Variants in ENOSF1 observed in about 807,000 individuals in gnomAD.
ENOSF1 encodes mitochondrial enolase superfamily member 1.
In ENOSF1, 73 loss-of-function variants were observed where a neutral mutation model predicts 68.2. The observed-to-expected ratio is 1.07, with a 90% CI of 0.89 to 1.30. ENOSF1 has a LOEUF of 1.30. ENOSF1 is among the 50% of genes most tolerant of loss of function. The pLI is 0.00. For synonymous variants in ENOSF1, 223 were observed against 210.4 expected (o/e 1.06, Z -0.52); for missense variants, 589 against 554.5 (o/e 1.06, Z -0.62).
chr18:683,214 A>T (rs1296130337), intron 11 of ENOSF1, 32 bp downstream of exon 11: 1 of 1,611,944 alleles, frequency 6.2e-7, no homozygotes, highest in Admixed American at 1.7e-5. Flanking sequence ...CAGAAAAATA[A>T]GCTGCCACAG....
chr18:692,758 TA>T (rs2077326631), intron 5 of ENOSF1: 1 of 997,636 alleles, frequency 1.0e-6, no homozygotes. Context: ...TCCATCCCCG[TA>T]AAACGCCAAC....
chr18:667,059 AGATGGTGATGGTGATGGAGATGGT>A (rs2074849822), downstream of ENOSF1, among the ~76,000 whole-genome samples: 14 of 18,556 alleles, frequency 7.5e-4, 2 homozygotes, highest in African/African-American at 5.5e-3. Context: ...ATGGAGATGG[AGATGGTGATGGTGATGGAGATGGT>A]GATGGTGATG....
intron 11 of ENOSF1, among the ~76,000 whole-genome samples, chr18:679,761 T>C (rs916676320): frequency 6.6e-6 from 1 of 152,108 alleles, no homozygotes; most frequent in Non-Finnish European, 1.5e-5. Context: ...ACCTGGACTC[T>C]GGGCGCTCCC....
At chr18:666,799 G>T (rs540739261), downstream of ENOSF1, among the ~76,000 whole-genome samples, 1 of 152,378 alleles carries the variant, frequency 6.6e-6, no homozygotes, top group South Asian at 2.1e-4. Flanking sequence ...AAAGTGGAAT[G>T]CTAGTTTCCA....
intron 5 of ENOSF1, 31 bp downstream of exon 5, chr18:693,851 A>G: frequency 6.2e-7 from 1 of 1,612,930 alleles, no homozygotes; most frequent in Non-Finnish European, 8.5e-7. Context: ...TCATTTACAG[A>G]AACAATTGTA....
intron 2 of ENOSF1, among the ~76,000 whole-genome samples, chr18:704,300 G>C (rs1360904233): frequency 6.6e-6 from 1 of 151,742 alleles, no homozygotes; most frequent in South Asian, 2.1e-4. Flanking sequence ...GTGGTGGTGT[G>C]TGCCTGTAAT....
intron 15 of ENOSF1, 80 bp downstream of exon 15, chr18:675,241 C>G: frequency 9.4e-7 from 1 of 1,062,810 alleles, no homozygotes; most frequent in East Asian, 2.5e-5. Flanking sequence ...AAGCTTGGTG[C>G]TCCACAGTCT....
intron 11 of ENOSF1, among the ~76,000 whole-genome samples, chr18:679,266 G>C (rs2075840391): frequency 6.8e-6 from 1 of 147,470 alleles, no homozygotes; most frequent in South Asian, 2.1e-4. Context: ...CTGGAGTGCA[G>C]TGGCATGATC....
downstream of ENOSF1, chr18:669,101 CAA>C (rs2144335544): frequency 3.1e-6 from 5 of 1,614,154 alleles, no homozygotes; most frequent in Non-Finnish European, 4.2e-6. Context: ...TGACCAACTG[CAA>C]AGAGTGATTG....
chr18:681,051 G>A (rs183105253), intron 11 of ENOSF1, among the ~76,000 whole-genome samples: 194 of 152,144 alleles, frequency 1.3e-3, no homozygotes, highest in Middle Eastern at 3.4e-3. Flanking sequence ...TAGTAGAGAC[G>A]AGGTTTCACC....
chr18:666,154 C>T (rs538962103), downstream of ENOSF1, among the ~76,000 whole-genome samples: 4 of 100,686 alleles, frequency 4.0e-5, no homozygotes, highest in South Asian at 1.2e-3. Flanking sequence ...GAGTCTAAGT[C>T]TCTTTGTAGG....
chr18:670,726 C>T lies in ENOSF1; in HGVS notation c.*3579G>A. ...TGATGGCGCTGCCTCCATGCCATGCCCTCTGCCAGTTCTATGTGGTGAACA... is the reference window on the plus strand; with the variant it reads ...TGATGGCGCTGCCTCCATGCCATGCTCTCTGCCAGTTCTATGTGGTGAACA... On this transcript the variant is annotated 3_prime_UTR_variant, in exon 16 of 16. Transcript: ENST00000647584. 1 of 1,614,146 alleles carries T rather than the reference C, an allele frequency of 6.2e-7. No individual in the cohort carries two copies. Among genetic ancestry groups the T allele is most frequent in the Non-Finnish European group, 8.5e-7 (1 of 1,180,024 alleles).
chr18:684,466 C>G (rs186095713), intron 10 of ENOSF1, among the ~76,000 whole-genome samples: 45 of 152,140 alleles, frequency 3.0e-4, no homozygotes, highest in Non-Finnish European at 4.9e-4. Flanking sequence ...GAGGTCAAGG[C>G]TGCAGTGAGG....
intron 9 of ENOSF1, chr18:687,405 G>C (rs1409374778): frequency 6.6e-6 from 1 of 152,172 alleles, no homozygotes; most frequent in Non-Finnish European, 1.5e-5. Context: ...CAGATTCCCA[G>C]GCAGCGGGTC....
chr18:667,041 TGATGGTGATGGA>T (rs2074848331), downstream of ENOSF1, among the ~76,000 whole-genome samples: 2 of 20,792 alleles, frequency 9.6e-5, no homozygotes, highest in Admixed American at 4.5e-4. Flanking sequence ...ATGGAGATGG[TGATGGTGATGGA>T]GATGGAGATG....
Position 671,061 on chromosome 18 carries a change from C to T in ENOSF1, c.*3244G>A. The T allele has an allele frequency of 3.1e-6, 2 of 647,708 alleles. No individual in the cohort carries two copies. Among genetic ancestry groups the T allele is most frequent in the Non-Finnish European group, 2.6e-6 (1 of 381,538 alleles). The allele number at this position is 647,708 out of a possible 1,614,324, so 40.1% of individuals were successfully genotyped here. ...GTTTTCTGGCCCTGTGGTATACGCACTAACAGATCTATACAGGTTGTTTGT... is the reference window on the plus strand; with the variant it reads ...GTTTTCTGGCCCTGTGGTATACGCATTAACAGATCTATACAGGTTGTTTGT... On this transcript the variant is annotated 3_prime_UTR_variant, in exon 16 of 16. Coordinates refer to ENST00000647584, the MANE Select transcript of ENOSF1 (RefSeq NM_017512.7).
In ENOSF1 at chr18:671,471, C is replaced by CTT. The variant is rs766106885; in HGVS notation, c.*2832_*2833dup. On this transcript the variant is annotated 3_prime_UTR_variant, in exon 16 of 16. Transcript: ENST00000647584. ...ATTCAGGTAAGAATTAGATGTTATA[C>CTT]TTTTGGGTTTGGTACCTTCTCTTGA... 4 of 1,563,728 alleles carry CTT rather than the reference C, an allele frequency of 2.6e-6. No individual in the cohort carries two copies. Among genetic ancestry groups the CTT allele is most frequent in the Non-Finnish European group, 3.5e-6 (4 of 1,134,928 alleles).
chr18:712,573 C>T lies in ENOSF1; in HGVS notation c.15G>A (p.Arg5=). 6.5e-7 allele frequency: 1 copy of T among 1,538,392 alleles called. No homozygotes were observed. The highest frequency in any genetic ancestry group is 8.7e-7 in the Non-Finnish European group (1 of 1,146,094). Residue 5 remains arginine (R), a synonymous_variant, in exon 1 of 16, where the codon AGG becomes AGA. Coordinates refer to ENST00000647584, the MANE Select transcript of ENOSF1 (RefSeq NM_017512.7). MVRG[R]ISRLSVRDVR... ...CGTCCCGGACCGAGAGCCGGGAGAT[C>T]CTGCCGCGCACCATGGCCCCTGCGC... is the stretch of plus-strand genomic sequence containing the variant.
intron 9 of ENOSF1, 36 bp from the exon 10 acceptor site, chr18:686,044 T>C (rs1465406975): frequency 4.7e-6 from 7 of 1,500,358 alleles, no homozygotes; most frequent in Admixed American, 3.3e-5. Context: ...TTTAGACCTG[T>C]ACCTGGACTT....
Sources: gnomAD v4.1 joint callset for allele counts (sites outside exome capture counted in the v4.1 genomes callset) on GRCh38, gnomAD v4.1.1 for gene constraint, MANE v1.5 for transcripts, NCBI Gene and HGNC (gene_info 2026-07-23, HGNC 2026-07-21) for gene names.